ABI1: variants seen among roughly 807,000 people sequenced by gnomAD.
The protein encoded by ABI1 is Abelson interactor 1.
Under a neutral mutation model 54.6 loss-of-function variants are expected in ABI1, and 14 were observed. The ratio of observed to expected loss-of-function variants is 0.26; its 90% CI spans 0.17 to 0.40. ABI1 has a LOEUF of 0.40. Ranked by LOEUF, ABI1 falls within the 10% of genes least tolerant of loss-of-function variation. The pLI is 1.00. For synonymous variants in ABI1, 194 were observed against 209.3 expected, an observed-to-expected ratio of 0.93 and a Z score of 0.63; for missense variants, 443 against 598.3, an observed-to-expected ratio of 0.74 and a Z score of 2.71.
At chr10:26,811,769 ATTTG>A in intron 2 of ABI1, among the ~76,000 whole-genome samples, 1 of 15,586 alleles carries the variant, frequency 6.4e-5, no homozygotes, top group Non-Finnish European at 2.0e-4. Context: ...ATTTGTATAA[ATTTG>A]TATAAATTTA....
chr10:26,839,811 CTTTAAAGTTTGCACT>C (rs2049358968), intron 1 of ABI1: 1 of 699,836 alleles, frequency 1.4e-6, no homozygotes, highest in Non-Finnish European at 2.6e-6. Flanking sequence ...ATAAATAAAT[CTTTAAAGTTTGCACT>C]TTAAAGATGG....
intron 2 of ABI1, among the ~76,000 whole-genome samples, chr10:26,809,375 T>C (rs928783162): frequency 1.3e-5 from 2 of 149,380 alleles, no homozygotes; most frequent in African/African-American, 5.0e-5. Flanking sequence ...CTGGGAAACA[T>C]AGTGAGACCC....
rs540529128 is a variant in ABI1 at position 26,775,437 on chromosome 10, GAGTT to G, written c.462+1624_462+1627del. On this transcript the variant is annotated intron_variant, in intron 3 of 10. Coordinates refer to ENST00000376140, the MANE Select transcript of ABI1 (RefSeq NM_001012750.3). ...TGTCACAGAACTATACACCTAAAAA[GAGTT>G]AGTCATTTTATGTTATGTGTATCTC... Among the ~76,000 whole-genome samples, 280 of 151,762 alleles carry G rather than the reference GAGTT, an allele frequency of 1.8e-3. 2 individuals carry two copies. The highest frequency in any genetic ancestry group is 3.4e-3 in the Admixed American group (52 of 15,244).
intron 1 of ABI1, among the ~76,000 whole-genome samples, chr10:26,851,688 C>G (rs955355174): frequency 2.6e-5 from 4 of 151,268 alleles, no homozygotes; most frequent in African/African-American, 9.8e-5. Flanking sequence ...CAGGATATGA[C>G]CCACAGTTAG....
chr10:26,781,298 C>A (rs1372430017), intron 2 of ABI1, among the ~76,000 whole-genome samples: 1 of 152,266 alleles, frequency 6.6e-6, no homozygotes, highest in Non-Finnish European at 1.5e-5. Flanking sequence ...TCACATGGAA[C>A]TGGTAATATT....
chr10:26,810,584 G>A (rs899354172), intron 2 of ABI1, among the ~76,000 whole-genome samples: 1 of 152,080 alleles, frequency 6.6e-6, no homozygotes, highest in African/African-American at 2.4e-5. Flanking sequence ...CTGTCGTAAC[G>A]ACTCAACTTT....
intron 7 of ABI1, among the ~76,000 whole-genome samples, chr10:26,763,405 G>A (rs1839486380): frequency 6.6e-6 from 1 of 152,124 alleles, no homozygotes; most frequent in African/African-American, 2.4e-5. Context: ...ATGGCATCCT[G>A]AGATGTCATA....
At chr10:26,784,681 T>C (rs543870304) in intron 2 of ABI1, among the ~76,000 whole-genome samples, 59 of 152,294 alleles carry the variant, frequency 3.9e-4, no homozygotes, top group African/African-American at 1.3e-3. Flanking sequence ...TGTGATGACT[T>C]GCACACCAAG....
At chr10:26,852,131 A>G (rs1453137929) in intron 1 of ABI1, among the ~76,000 whole-genome samples, 1 of 152,180 alleles carries the variant, frequency 6.6e-6, no homozygotes, top group Admixed American at 6.6e-5. Context: ...AACCCTCATA[A>G]AAATTAAAAA....
chr10:26,806,345 A>G (rs2046874440), intron 2 of ABI1, among the ~76,000 whole-genome samples: 1 of 152,154 alleles, frequency 6.6e-6, no homozygotes, highest in African/African-American at 2.4e-5. Context: ...ACCACTTTAC[A>G]TTTCCTATTG....
chr10:26,756,872 T>A (rs1449353591), intron 8 of ABI1, among the ~76,000 whole-genome samples: 1 of 152,144 alleles, frequency 6.6e-6, no homozygotes, highest in East Asian at 1.9e-4. Context: ...AGCATAAAAA[T>A]TTGAAAGAAG....
chr10:26,798,845 T>C (rs2133329467), intron 2 of ABI1, among the ~76,000 whole-genome samples: 1 of 151,460 alleles, frequency 6.6e-6, no homozygotes, highest in South Asian at 2.1e-4. Context: ...CACAGAGATC[T>C]CAACACATGA....
chr10:26,822,776 G>A (rs570479595), intron 2 of ABI1, among the ~76,000 whole-genome samples: 1 of 152,190 alleles, frequency 6.6e-6, no homozygotes, highest in South Asian at 2.1e-4. Flanking sequence ...ATGTGTTGAT[G>A]GTCACATGGG....
At chr10:26,776,133 T>C (rs771756965) in intron 3 of ABI1, among the ~76,000 whole-genome samples, 2 of 152,294 alleles carry the variant, frequency 1.3e-5, no homozygotes, top group African/African-American at 4.8e-5. Flanking sequence ...CAATTTTACA[T>C]ACAATTTCCA....
intron 2 of ABI1, among the ~76,000 whole-genome samples, chr10:26,796,783 C>T (rs1386115249): frequency 6.6e-6 from 1 of 152,146 alleles, no homozygotes; most frequent in African/African-American, 2.4e-5. Context: ...CACCAGGGAC[C>T]GGTTTTGTGG....
rs553466275 is a variant in ABI1 at position 26,752,515 on chromosome 10, G to A, written c.1085-732C>T. 2.4e-4 allele frequency among the ~76,000 whole-genome samples: 36 copies of A among 152,096 alleles called. No individual in the cohort carries two copies. The South Asian group carries it at 6.6e-3, about 28-fold the overall frequency. On this transcript the variant is annotated intron_variant, in intron 9 of 10. Transcript: ENST00000376140. Reference sequence around the variant, plus strand: ...ATTATTGCTAGTAAAACATAAGCACGGGATGAGGGAAAGCCTAGATCCTAA... The same window carrying A: ...ATTATTGCTAGTAAAACATAAGCACAGGATGAGGGAAAGCCTAGATCCTAA...
At chr10:26,834,993 C>G (rs2048948384) in intron 1 of ABI1, among the ~76,000 whole-genome samples, 1 of 148,746 alleles carries the variant, frequency 6.7e-6, no homozygotes, top group Non-Finnish European at 1.5e-5. Context: ...ATCCCAGCTA[C>G]TCAAGAGGCT....
chr10:26,821,760 T>C lies in ABI1; in HGVS notation c.285+1378A>G, dbSNP rs915840496. Among the ~76,000 whole-genome samples, 28 of 150,672 alleles carry C rather than the reference T, an allele frequency of 1.9e-4. 1 individual carries two copies. Among genetic ancestry groups the C allele is most frequent in the Non-Finnish European group, 2.7e-4 (18 of 67,688 alleles). On this transcript the variant is annotated intron_variant, in intron 2 of 10. Transcript: ENST00000376140. ...GATGCAGAGAGCCAAGATCACGCCA[T>C]TGCACTCCAGCCTGGGCAACAGAGC...
At chr10:26,772,354 A>G (rs1257022652) in intron 3 of ABI1, among the ~76,000 whole-genome samples, 1 of 152,098 alleles carries the variant, frequency 6.6e-6, no homozygotes, top group Non-Finnish European at 1.5e-5. Flanking sequence ...ATAGCAATGT[A>G]TATCTTATAA....
Sources: allele counts gnomAD v4.1 joint callset (sites outside exome capture counted in the v4.1 genomes callset), GRCh38; gene constraint gnomAD v4.1.1; transcripts MANE v1.5; gene names NCBI Gene and HGNC (gene_info 2026-07-23, HGNC 2026-07-21).